NRXN1: variants seen among roughly 807,000 people sequenced by gnomAD.
NRXN1 encodes the protein neurexin-1.
Under a neutral mutation model 150.9 loss-of-function variants are expected in NRXN1, and 39 were observed. The observed-to-expected ratio is 0.26, with a 90% confidence interval of 0.20 to 0.34. The LOEUF is 0.34. Ranked by LOEUF, NRXN1 falls within the 10% of genes least tolerant of loss-of-function variation. The probability of loss-of-function intolerance (pLI) is 1.00; values close to 1 mark genes in which losing one functional copy is unlikely to be tolerated. For missense variants in NRXN1, 1,815 were observed against 1,949.9 expected (o/e 0.93, Z 1.30); for synonymous variants, 924 against 757.0 (o/e 1.22, Z -3.62).
rs574590957 is a variant in NRXN1, at chr2:50,116,057, A to G, written c.3547-24563T>C. Reference sequence around the variant, plus strand: ...TAGATTGAAATTATCCTAAGGCTCGACCTCTTTTTTTAATTGTGACTAACA... The same window carrying G: ...TAGATTGAAATTATCCTAAGGCTCGGCCTCTTTTTTTAATTGTGACTAACA... On this transcript the variant is annotated intron_variant, in intron 18 of 22. Transcript: ENST00000401669. 6.0e-4 allele frequency among the ~76,000 whole-genome samples: 92 copies of G among 152,076 alleles called. 3 individuals carry two copies. The highest frequency in any genetic ancestry group is 5.3e-3 in the Admixed American group (81 of 15,256).
intron 5 of NRXN1, among the ~76,000 whole-genome samples, chr2:50,770,634 AT>A (rs1333197413): frequency 6.6e-6 from 1 of 152,204 alleles, no homozygotes; most frequent in African/African-American, 2.4e-5. Context: ...TTACAATTAA[AT>A]TTTTTATATC....
chr2:50,348,178 G>C (rs1463780882), intron 17 of NRXN1, among the ~76,000 whole-genome samples: 1 of 152,166 alleles, frequency 6.6e-6, no homozygotes, highest in Non-Finnish European at 1.5e-5. Flanking sequence ...TTGTACTCAA[G>C]CATCAGTCGC....
At chr2:50,178,444 G>GCTA (rs2060486084) in intron 18 of NRXN1, among the ~76,000 whole-genome samples, 1 of 152,012 alleles carries the variant, frequency 6.6e-6, no homozygotes, top group South Asian at 2.1e-4. Context: ...ACTTTTTCAT[G>GCTA]CTACTTTTTT....
chr2:50,894,358 A>G (rs1190572032), intron 5 of NRXN1, among the ~76,000 whole-genome samples: 2 of 151,478 alleles, frequency 1.3e-5, no homozygotes, highest in Non-Finnish European at 2.9e-5. Flanking sequence ...CATTCTCAGA[A>G]TAAAATTAAT....
In NRXN1 at chr2:50,578,287, C is replaced by T. The variant is rs554715423; in HGVS notation, c.1321-25262G>A. On this transcript the variant is annotated intron_variant, in intron 8 of 22. Transcript: ENST00000401669. Reference sequence around the variant, plus strand: ...AGCAAGAGCATAGTGTCTTGGACTCCGGAAAGGCTCAGTTCCAGAAAGTCC... The same window carrying T: ...AGCAAGAGCATAGTGTCTTGGACTCTGGAAAGGCTCAGTTCCAGAAAGTCC... Among the ~76,000 whole-genome samples the T allele has an allele frequency of 4.6e-5, 7 of 152,182 alleles. No individual in the cohort carries two copies. The South Asian group carries it at 6.2e-4, about 14-fold the overall frequency.
chr2:50,076,594 T>C (rs1241092991), intron 19 of NRXN1, among the ~76,000 whole-genome samples: 2 of 152,216 alleles, frequency 1.3e-5, no homozygotes, highest in Non-Finnish European at 2.9e-5. Context: ...CCATGCAGTC[T>C]GGCTTTTGAA....
At chr2:50,330,431 T>C (rs2152984198) in intron 17 of NRXN1, among the ~76,000 whole-genome samples, 1 of 152,310 alleles carries the variant, frequency 6.6e-6, no homozygotes, top group Middle Eastern at 3.4e-3. Flanking sequence ...CTTTCATTAG[T>C]GATGATGGGC....
intron 5 of NRXN1, among the ~76,000 whole-genome samples, chr2:50,636,844 C>T (rs1019742866): frequency 6.6e-6 from 1 of 152,060 alleles, no homozygotes; most frequent in East Asian, 1.9e-4. Flanking sequence ...GATTATTTGT[C>T]CCCAAATTTA....
intron 21 of NRXN1, among the ~76,000 whole-genome samples, chr2:49,984,891 T>G (rs761310085): frequency 1.3e-5 from 2 of 152,244 alleles, no homozygotes; most frequent in African/African-American, 2.4e-5. Context: ...GTTTCTTATT[T>G]GGTGACTTGG....
chr2:50,670,400 T>A (rs1688669505), intron 5 of NRXN1, among the ~76,000 whole-genome samples: 1 of 101,560 alleles, frequency 9.8e-6, no homozygotes, highest in African/African-American at 4.3e-5. Context: ...GTTTTTATTG[T>A]AACGTAAACA....
rs2092950189 is a variant in NRXN1 at position 50,526,303 on chromosome 2, G to C, written c.2374+2322C>G. On this transcript the variant is annotated intron_variant, in intron 12 of 22. Coordinates refer to ENST00000401669, the MANE Select transcript of NRXN1 (RefSeq NM_001330078.2). ...ATAATTTTCTTAAAAGATATCAATT[G>C]AGGTATTTCATATTAATTTCACAAT... Among the ~76,000 whole-genome samples, 4 of 152,094 alleles carry C rather than the reference G, an allele frequency of 2.6e-5. No homozygotes were observed. The South Asian group carries it at 8.3e-4, about 31-fold the overall frequency.
chr2:50,422,517 A>T (rs1165605878), intron 17 of NRXN1, among the ~76,000 whole-genome samples: 4 of 152,194 alleles, frequency 2.6e-5, no homozygotes, highest in African/African-American at 9.6e-5. Context: ...CACAAACCTC[A>T]TAATGAACTG....
At chr2:50,705,619 A>G (rs1694329885) in intron 5 of NRXN1, among the ~76,000 whole-genome samples, 1 of 152,212 alleles carries the variant, frequency 6.6e-6, no homozygotes, top group Non-Finnish European at 1.5e-5. Flanking sequence ...AACCTCCCAC[A>G]TACAATGTTT....
At chr2:50,098,014 C>T (rs1378757361) in intron 18 of NRXN1, among the ~76,000 whole-genome samples, 7 of 151,986 alleles carry the variant, frequency 4.6e-5, no homozygotes, top group Non-Finnish European at 1.5e-5. Flanking sequence ...ATTTAGATGG[C>T]CTATAATGGT....
chr2:50,971,883 C>T (rs988577919), intron 2 of NRXN1, among the ~76,000 whole-genome samples: 1 of 152,080 alleles, frequency 6.6e-6, no homozygotes, highest in African/African-American at 2.4e-5. Flanking sequence ...ATAGCAGTGT[C>T]CCTGCCCATT....
At chr2:50,615,083 A>G (rs767752717) in intron 8 of NRXN1, among the ~76,000 whole-genome samples, 7 of 152,190 alleles carry the variant, frequency 4.6e-5, no homozygotes, top group Non-Finnish European at 7.3e-5. Flanking sequence ...CATCTACCTC[A>G]GTAGCATCTT....
intron 19 of NRXN1, among the ~76,000 whole-genome samples, chr2:50,055,267 G>T (rs1375664151): frequency 2.0e-5 from 3 of 152,076 alleles, no homozygotes; most frequent in African/African-American, 7.2e-5. Flanking sequence ...TTAGAAATCT[G>T]CATTTGAGCT....
At chr2:50,622,878 G>T (rs1020347585) in intron 6 of NRXN1, among the ~76,000 whole-genome samples, 14 of 152,098 alleles carry the variant, frequency 9.2e-5, no homozygotes, top group African/African-American at 3.1e-4. Flanking sequence ...GAGGAGGAGG[G>T]AGTAGGGACT....
intron 5 of NRXN1, among the ~76,000 whole-genome samples, chr2:50,909,373 A>G (rs942930651): frequency 6.6e-6 from 1 of 152,070 alleles, no homozygotes; most frequent in Non-Finnish European, 1.5e-5. Flanking sequence ...TTGAATAGGC[A>G]TTTGGACTAG....
Sources: allele counts gnomAD v4.1 joint callset (sites outside exome capture counted in the v4.1 genomes callset), GRCh38; gene constraint gnomAD v4.1.1; transcripts MANE v1.5; gene names NCBI Gene and HGNC (gene_info 2026-07-23, HGNC 2026-07-21).